Variants in ANXA13 observed in about 807,000 individuals in gnomAD.
The protein encoded by ANXA13 is annexin XIII.
A neutral mutation model predicts 46.6 loss-of-function variants in ANXA13; 36 were observed. The ratio of observed to expected loss-of-function variants is 0.77; its 90% CI spans 0.59 to 1.02. The LOEUF (loss-of-function observed/expected upper bound fraction) is 1.02. ANXA13 is among the 50% of genes least tolerant of loss of function. ANXA13 has a pLI of 0.00. For missense variants in ANXA13, 417 were observed against 396.5 expected, an observed-to-expected ratio of 1.05 and a Z score of -0.44; for synonymous variants, 163 against 152.9, an observed-to-expected ratio of 1.07 and a Z score of -0.49.
At chr8:123,697,417 G>A (rs1032409319) in intron 4 of ANXA13, among the ~76,000 whole-genome samples, 7 of 152,256 alleles carry the variant, frequency 4.6e-5, no homozygotes, top group Admixed American at 3.3e-4. Context: ...GAGACTCCTT[G>A]AAATGGAGGA....
intron 1 of ANXA13, among the ~76,000 whole-genome samples, chr8:123,734,312 G>A (rs1354433243): frequency 6.6e-6 from 1 of 152,112 alleles, no homozygotes; most frequent in Non-Finnish European, 1.5e-5. Flanking sequence ...GACAATAGAA[G>A]AGTCATCTAG....
At chr8:123,724,108 A>G (rs2129929423) in intron 1 of ANXA13, among the ~76,000 whole-genome samples, 1 of 152,294 alleles carries the variant, frequency 6.6e-6, no homozygotes, top group African/African-American at 2.4e-5. Context: ...GATGAAGCAG[A>G]GAGAATGAAA....
Position 123,702,693 on chromosome 8 carries a change from T to G in ANXA13, c.135A>C (p.Thr45=). 6.2e-7 allele frequency: 1 copy of G among 1,614,168 alleles called. No individual in the cohort carries two copies. Among genetic ancestry groups the G allele is most frequent in the South Asian group, 1.1e-5 (1 of 91,084 alleles). Residue 45 remains threonine, a synonymous_variant, in exon 3 of 11, where the codon ACA becomes ACC. Coordinates refer to ENST00000419625, the MANE Select transcript of ANXA13 (RefSeq NM_004306.4). ...AAIIEILSGR[T]SDERQQIKQK... is the part of the protein sequence containing the mutation. ...GCTTGATTTGTTGCCTCTCATCTGA[T>G]GTCCTGCCCGATAAGATTTCAATGA... is the stretch of plus-strand genomic sequence containing the variant.
At chr8:123,714,446 C>T (rs1813724896) in intron 1 of ANXA13, among the ~76,000 whole-genome samples, 1 of 152,184 alleles carries the variant, frequency 6.6e-6, no homozygotes, top group African/African-American at 2.4e-5. Context: ...CCATTTTGTC[C>T]ACTACATAAA....
intron 9 of ANXA13, 61 bp from the exon 10 acceptor site, chr8:123,684,783 A>T: frequency 2.3e-6 from 3 of 1,291,240 alleles, no homozygotes; most frequent in Non-Finnish European, 3.4e-6. Flanking sequence ...TGACCTTGGG[A>T]CCCCCCTAAA....
chr8:123,688,007 A>C (rs1446719028), intron 9 of ANXA13, among the ~76,000 whole-genome samples: 1 of 152,212 alleles, frequency 6.6e-6, no homozygotes, highest in East Asian at 1.9e-4. Context: ...CCAAATGGAA[A>C]AGGAAACCTG....
At chr8:123,711,286 T>C (rs2129894471) in intron 2 of ANXA13, among the ~76,000 whole-genome samples, 1 of 152,364 alleles carries the variant, frequency 6.6e-6, no homozygotes, top group South Asian at 2.1e-4. Flanking sequence ...TGAAGGCATC[T>C]ACTCCAGCTG....
Position 123,695,580 on chromosome 8 carries a change from TA to T in ANXA13, c.392del (p.Leu131HisfsTer18). 1 of 1,614,004 alleles carries T rather than the reference TA, an allele frequency of 6.2e-7. No homozygotes were observed. The highest frequency in any genetic ancestry group is 8.5e-7 in the Non-Finnish European group (1 of 1,179,890). ...IIAIKEAYQR[L>X]FDRSLESDVK... is the part of the protein sequence containing the mutation. ...CATCTGATTCGAGGCTCCTATCAAA[TA>T]CTTCGAAGGAAGTAAACAAGGAGGG... is the stretch of plus-strand genomic sequence containing the variant. On this transcript the variant is annotated frameshift_variant and splice_region_variant, in exon 6 of 11. Coordinates refer to ENST00000419625, the MANE Select transcript of ANXA13 (RefSeq NM_004306.4). LOFTEE classifies it high-confidence loss of function.
chr8:123,705,041 C>T (rs1054650726), intron 2 of ANXA13, among the ~76,000 whole-genome samples: 4 of 152,222 alleles, frequency 2.6e-5, no homozygotes, highest in African/African-American at 4.8e-5. Context: ...TTTTGTCTAT[C>T]CTTAAATCCA....
chr8:123,736,453 T>G (rs573460539), intron 1 of ANXA13, among the ~76,000 whole-genome samples: 55 of 152,344 alleles, frequency 3.6e-4, no homozygotes, highest in African/African-American at 1.2e-3. Context: ...TAACTATTTA[T>G]AGACACACTA....
chr8:123,689,080 C>T (rs1813188886), intron 8 of ANXA13, 134 bp from the exon 9 acceptor site: 2 of 770,040 alleles, frequency 2.6e-6, no homozygotes, highest in East Asian at 5.4e-5. Context: ...GCTATCCTGA[C>T]TCTTGCCTTG....
chr8:123,730,715 C>T (rs1814101135), intron 1 of ANXA13, among the ~76,000 whole-genome samples: 2 of 152,160 alleles, frequency 1.3e-5, no homozygotes, highest in African/African-American at 4.8e-5. Context: ...TAAAGACTTA[C>T]CCCAGACTGG....
chr8:123,695,739 C>G lies in ANXA13; in HGVS notation c.358-18G>C, dbSNP rs767361149. 6.2e-7 allele frequency: 1 copy of G among 1,602,496 alleles called. No homozygotes were observed. The highest frequency in any genetic ancestry group is 8.5e-7 in the Non-Finnish European group (1 of 1,170,836). On this transcript the variant is annotated intron_variant, in intron 4 of 10. Transcript: ENST00000419625. Reference sequence around the variant, plus strand: ...ATGATTTCCTAGGGAAGGTAATTTACAAAAAAATCAATATTCCAAGGAGGG... The same window carrying G: ...ATGATTTCCTAGGGAAGGTAATTTAGAAAAAAATCAATATTCCAAGGAGGG...
At chr8:123,730,366 C>T (rs1035823396) in intron 1 of ANXA13, among the ~76,000 whole-genome samples, 4 of 152,166 alleles carry the variant, frequency 2.6e-5, no homozygotes, top group Admixed American at 2.0e-4. Context: ...TGCAGACTCT[C>T]GGGCTCCACC....
chr8:123,684,038 A>G (rs1393128282), intron 10 of ANXA13, among the ~76,000 whole-genome samples: 2 of 152,200 alleles, frequency 1.3e-5, no homozygotes, highest in Non-Finnish European at 2.9e-5. Context: ...TGATATCCAC[A>G]TGGTATATAA....
chr8:123,737,136 C>A (rs1020742512), intron 1 of ANXA13, among the ~76,000 whole-genome samples, 184 bp downstream of exon 1: 1 of 151,866 alleles, frequency 6.6e-6, no homozygotes, highest in Admixed American at 6.6e-5. Context: ...GCTGGGAGTA[C>A]AGGTGTGAGC....
chr8:123,724,507 G>A (rs1320427308), intron 1 of ANXA13, among the ~76,000 whole-genome samples: 5 of 152,278 alleles, frequency 3.3e-5, no homozygotes, highest in East Asian at 1.9e-4. Context: ...AGAAACTTCC[G>A]CTGTTGATAT....
chr8:123,727,265 C>T (rs1814019009), intron 1 of ANXA13, among the ~76,000 whole-genome samples: 2 of 152,130 alleles, frequency 1.3e-5, no homozygotes, highest in South Asian at 4.1e-4. Context: ...AGAAAAACTG[C>T]TGCCTCTTGG....
At chr8:123,729,664 T>C (rs1374330981) in intron 1 of ANXA13, among the ~76,000 whole-genome samples, 2 of 152,052 alleles carry the variant, frequency 1.3e-5, no homozygotes, top group East Asian at 3.9e-4. Flanking sequence ...ACATCCAGAG[T>C]ATGTCTGACA....
Sources: gnomAD v4.1 joint callset for allele counts (sites outside exome capture counted in the v4.1 genomes callset) on GRCh38, gnomAD v4.1.1 for gene constraint, MANE v1.5 for transcripts, NCBI Gene and HGNC (gene_info 2026-07-23, HGNC 2026-07-21) for gene names.